Variants in ST6GALNAC5 observed in about 807,000 individuals in gnomAD.
The protein encoded by ST6GALNAC5 is ST6 N-acetylgalactosaminide alpha-2,6-sialyltransferase 5.
A neutral mutation model predicts 33.6 loss-of-function variants in ST6GALNAC5; 27 were observed. That is an observed-to-expected ratio of 0.80 (90% CI 0.59 to 1.11). The LOEUF is 1.11. Among genes scored for constraint, ST6GALNAC5 ranks in the 50% least tolerant of loss-of-function variants. ST6GALNAC5 has a pLI of 0.00. For synonymous variants in ST6GALNAC5, 194 were observed against 171.2 expected (o/e 1.13, Z -1.04); for missense variants, 428 against 454.0 (o/e 0.94, Z 0.52).
chr1:76,897,367 T>C lies in ST6GALNAC5; in HGVS notation c.261+28625T>C, dbSNP rs146960374. Among the ~76,000 whole-genome samples the C allele has an allele frequency of 7.2e-5, 11 of 152,298 alleles. No individual in the cohort carries two copies. The East Asian group carries it at 1.9e-3, about 27-fold the overall frequency. On this transcript the variant is annotated intron_variant, in intron 2 of 4. Coordinates refer to ENST00000477717, the MANE Select transcript of ST6GALNAC5 (RefSeq NM_030965.3). ...AACAATTTGGTTGATAAGTCATAGATCCTGAACTAACTTGTAAGGCTTGTC... is the reference window on the plus strand; with the variant it reads ...AACAATTTGGTTGATAAGTCATAGACCCTGAACTAACTTGTAAGGCTTGTC...
At chr1:76,874,309 A>G (rs1440462102) in intron 2 of ST6GALNAC5, among the ~76,000 whole-genome samples, 1 of 152,214 alleles carries the variant, frequency 6.6e-6, no homozygotes, top group Non-Finnish European at 1.5e-5. Flanking sequence ...GGTCTTCTGC[A>G]CTTGTTAAGT....
chr1:76,871,565 C>T (rs1024360831), intron 2 of ST6GALNAC5, among the ~76,000 whole-genome samples: 1 of 152,056 alleles, frequency 6.6e-6, no homozygotes, highest in Non-Finnish European at 1.5e-5. Flanking sequence ...TACAGCCTGT[C>T]TGCAATGATG....
At chr1:76,982,334 T>C (rs1016022168) in intron 2 of ST6GALNAC5, among the ~76,000 whole-genome samples, 1 of 152,188 alleles carries the variant, frequency 6.6e-6, no homozygotes, top group African/African-American at 2.4e-5. Context: ...CTGATGGAGC[T>C]GAAAACCATG....
intron 2 of ST6GALNAC5, chr1:76,869,120 C>T (rs926753097): frequency 4.7e-6 from 1 of 211,194 alleles, no homozygotes; most frequent in African/African-American, 2.4e-5. Context: ...GCGCGGGTAC[C>T]AGCCTGAGCG....
intron 2 of ST6GALNAC5, among the ~76,000 whole-genome samples, chr1:76,918,101 C>A (rs921123345): frequency 1.3e-5 from 2 of 152,104 alleles, no homozygotes; most frequent in Non-Finnish European, 2.9e-5. Flanking sequence ...CACTAGGTAA[C>A]ATATGAAGAA....
At chr1:77,051,148 T>C (rs1442626049) in intron 4 of ST6GALNAC5, among the ~76,000 whole-genome samples, 1 of 152,258 alleles carries the variant, frequency 6.6e-6, no homozygotes, top group Non-Finnish European at 1.5e-5. Context: ...TTAAATTGTG[T>C]GCTTACTTAT....
chr1:76,891,390 A>G (rs1040406115), intron 2 of ST6GALNAC5, among the ~76,000 whole-genome samples: 2 of 152,124 alleles, frequency 1.3e-5, no homozygotes, highest in Non-Finnish European at 2.9e-5. Flanking sequence ...CTATTTGTAT[A>G]TCTTTCCTGG....
At chr1:77,022,153 G>GCCATTGA (rs1367594122) in intron 2 of ST6GALNAC5, among the ~76,000 whole-genome samples, 1 of 152,110 alleles carries the variant, frequency 6.6e-6, no homozygotes, top group African/African-American at 2.4e-5. Flanking sequence ...GCTTTCACTT[G>GCCATTGA]CCATTGAATC....
chr1:77,005,947 T>C (rs1304685308), intron 2 of ST6GALNAC5, among the ~76,000 whole-genome samples: 2 of 152,216 alleles, frequency 1.3e-5, no homozygotes, highest in African/African-American at 2.4e-5. Flanking sequence ...CATTCCTCCA[T>C]TGATGGGCAT....
intron 2 of ST6GALNAC5, among the ~76,000 whole-genome samples, chr1:76,896,598 G>A (rs138544793): frequency 2.2e-4 from 33 of 152,134 alleles, no homozygotes; most frequent in Admixed American, 1.4e-3. Flanking sequence ...GAAATGAGGT[G>A]GATCAGAGAG....
At chr1:77,035,527 C>A (rs1378847682) in intron 2 of ST6GALNAC5, among the ~76,000 whole-genome samples, 1 of 152,078 alleles carries the variant, frequency 6.6e-6, no homozygotes, top group Non-Finnish European at 1.5e-5. Flanking sequence ...CCTCCACATA[C>A]AAGGCTCCCA....
chr1:77,057,956 A>C (rs1446270872), intron 4 of ST6GALNAC5, among the ~76,000 whole-genome samples: 3 of 152,220 alleles, frequency 2.0e-5, no homozygotes, highest in Non-Finnish European at 2.9e-5. Flanking sequence ...GCACATGAGC[A>C]CAAAGCCTCT....
intron 2 of ST6GALNAC5, among the ~76,000 whole-genome samples, chr1:76,959,974 G>A (rs952638408): frequency 2.6e-5 from 4 of 152,250 alleles, no homozygotes; most frequent in East Asian, 1.9e-4. Flanking sequence ...ACACCTGAGC[G>A]GGAGTGGGTA....
chr1:76,964,603 G>C (rs921652670), intron 2 of ST6GALNAC5, among the ~76,000 whole-genome samples: 2 of 151,856 alleles, frequency 1.3e-5, no homozygotes, highest in Admixed American at 1.3e-4. Flanking sequence ...GGATAATACA[G>C]TAACTATTTT....
intron 2 of ST6GALNAC5, among the ~76,000 whole-genome samples, chr1:76,912,174 C>CA (rs1180376377): frequency 6.6e-6 from 1 of 152,034 alleles, no homozygotes; most frequent in East Asian, 1.9e-4. Context: ...GCCTTCATTT[C>CA]GTTATGTACC....
chr1:76,961,917 G>A (rs1648255027), intron 2 of ST6GALNAC5, among the ~76,000 whole-genome samples: 1 of 152,058 alleles, frequency 6.6e-6, no homozygotes, highest in Non-Finnish European at 1.5e-5. Context: ...GTTTATTTTT[G>A]CCAACCATTG....
At chr1:76,879,834 A>G (rs1398887699) in intron 2 of ST6GALNAC5, among the ~76,000 whole-genome samples, 3 of 150,120 alleles carry the variant, frequency 2.0e-5, no homozygotes, top group African/African-American at 7.6e-5. Flanking sequence ...AGGGTCCTCC[A>G]CACATCCCAT....
At chr1:77,039,377 G>C (rs1386390985) in intron 2 of ST6GALNAC5, among the ~76,000 whole-genome samples, 2 of 152,212 alleles carry the variant, frequency 1.3e-5, no homozygotes, top group Non-Finnish European at 2.9e-5. Context: ...CTGGACTCTG[G>C]TCATTATGGT....
At chr1:76,883,731 A>G (rs2100925779) in intron 2 of ST6GALNAC5, among the ~76,000 whole-genome samples, 1 of 152,312 alleles carries the variant, frequency 6.6e-6, no homozygotes, top group East Asian at 1.9e-4. Context: ...GATCCAGTTT[A>G]TAGAAGAGAA....
Sources: allele counts gnomAD v4.1 joint callset (sites outside exome capture counted in the v4.1 genomes callset), GRCh38; gene constraint gnomAD v4.1.1; transcripts MANE v1.5; gene names NCBI Gene and HGNC (gene_info 2026-07-23, HGNC 2026-07-21).